The following EIF2S3B variants were observed in gnomAD, a reference collection of about 807,000 sequenced individuals.
EIF2S3B encodes eukaryotic translation initiation factor 2 subunit 3B.
A neutral mutation model predicts 26.4 loss-of-function variants in EIF2S3B; 16 were observed. The observed-to-expected ratio is 0.61, with a 90% CI of 0.41 to 0.92. The LOEUF (loss-of-function observed/expected upper bound fraction) is 0.92, where lower values mean the gene tolerates loss of function less well. EIF2S3B is among the 40% of genes least tolerant of loss of function. The pLI is 0.00. For synonymous variants in EIF2S3B, 183 were observed against 204.4 expected (o/e 0.90, Z 0.89); for missense variants, 510 against 575.5 (o/e 0.89, Z 1.16).
At chr12:10,519,351 A>C (rs1252041431) in intron 1 of EIF2S3B, among the ~76,000 whole-genome samples, 7 of 151,858 alleles carry the variant, frequency 4.6e-5, no homozygotes, top group South Asian at 2.1e-4. Flanking sequence ...CTTATACAAA[A>C]ATTAATTCAA....
In EIF2S3B at chr12:10,507,196, C is replaced by G. The variant is rs1432098679; in HGVS notation, c.1294C>G (p.Pro432Ala). 2 of 1,613,748 alleles carry G rather than the reference C, an allele frequency of 1.2e-6. No individual in the cohort carries two copies. The highest frequency in any genetic ancestry group is 1.7e-6 in the Non-Finnish European group (2 of 1,179,812). The change falls in exon 1 of 1, where the codon CCA becomes GCA. Residue 432 changes from proline (P) to alanine (A), a missense_variant. Transcript: ENST00000538173. ...TTTGGGCAAAATTGTTTTGACCAAT[C>G]CAGTGTGCACAGAGGTAGGAGAAAA... The part of the protein sequence containing the change: ...ADLGKIVLTN[P>A]VCTEVGEKIA...
intron 1 of EIF2S3B, among the ~76,000 whole-genome samples, chr12:10,516,776 A>G (rs1224316659): frequency 6.6e-6 from 1 of 152,030 alleles, no homozygotes; most frequent in Non-Finnish European, 1.5e-5. Context: ...TTATTTTGAG[A>G]TACGTCCCAT....
At chr12:10,522,726 C>G (rs1864846518) in exon 2 of EIF2S3B, 1 of 682,400 alleles carries the variant, frequency 1.5e-6, no homozygotes, top group Non-Finnish European at 2.7e-6. Context: ...AGAAAAAAGA[C>G]AAAAGAAAAC....
rs1716811344 is a variant in EIF2S3B at position 10,522,547 on chromosome 12, G to T, written c.1309-56G>T. The T allele has an allele frequency of 4.8e-6, 3 of 630,910 alleles. No individual in the cohort carries two copies. In the South Asian group the frequency reaches 5.6e-5, roughly 12 times the overall value. 39.1% of individuals were successfully genotyped at this position (630,910 alleles called of 1,614,324 possible). A position where few individuals can be genotyped will look rare whatever the true frequency, so the allele number is the denominator to read the frequency against. On this transcript the variant is annotated intron_variant, in intron 1 of 1. Transcript: ENST00000322446. The stretch of plus-strand genomic sequence containing the variant: ...TTTCCTTATACCTAAATAGATTTGA[G>T]TTATTGCAGTTTCCATATTTACTGA...
rs757384049 is a variant in EIF2S3B at position 10,515,220 on chromosome 12, T to G, written c.1309-7383T>G. Among the ~76,000 whole-genome samples the G allele has an allele frequency of 4.6e-5, 7 of 152,060 alleles. No homozygotes were observed. The East Asian group carries it at 5.8e-4, about 13-fold the overall frequency. ...ATTATGATCTACAGGGAAGCTTTTA[T>G]GACCTCAAGATGTTATATGACATTC... On this transcript the variant is annotated intron_variant, in intron 1 of 1. Transcript: ENST00000322446.
At chr12:10,512,588 C>T (rs762828232), downstream of EIF2S3B, among the ~76,000 whole-genome samples, 3 of 151,996 alleles carry the variant, frequency 2.0e-5, no homozygotes, top group African/African-American at 4.8e-5. Flanking sequence ...GCATAAATTC[C>T]CTCATCTTCT....
chr12:10,516,338 C>T (rs912324761), intron 1 of EIF2S3B, among the ~76,000 whole-genome samples: 4 of 151,952 alleles, frequency 2.6e-5, no homozygotes, highest in Non-Finnish European at 5.9e-5. Context: ...CTGCAAATGC[C>T]AGCCAGCAAC....
Position 10,506,912 on chromosome 12 carries a change from T to C in EIF2S3B, c.1010T>C (p.Ile337Thr), listed in dbSNP as rs752055744. ...DLQYAAPGGL[I>T]GVGTKIDPTL... is the part of the protein sequence containing the mutation. ...CAATATGCTGCTCCAGGCGGTCTTATTGGAGTTGGAACAAAAATTGACCCC... is the reference window on the plus strand; with the variant it reads ...CAATATGCTGCTCCAGGCGGTCTTACTGGAGTTGGAACAAAAATTGACCCC... The change falls in exon 1 of 1, where the codon ATT becomes ACT. Residue 337 changes from isoleucine (I) to threonine (T), a missense_variant. Physicochemically the swap from Ile to Thr is moderately conservative, Grantham distance 89. Transcript: ENST00000538173. 1.7e-5 allele frequency: 27 copies of C among 1,613,686 alleles called. No homozygotes were observed. The highest frequency in any genetic ancestry group is 4.5e-5 in the East Asian group (2 of 44,896).
rs1305400786 is a variant in EIF2S3B, at chr12:10,506,545, G to A, written c.643G>A (p.Val215Ile). 5 of 1,590,160 alleles carry A rather than the reference G, an allele frequency of 3.1e-6. No homozygotes were observed. The African/African-American group carries it at 6.7e-5, about 21-fold the overall frequency. ...GATCCTTGCGTTTGTCCAAGGTACA[G>A]TAGCAGAGGGAGCTCCCATTATTCC... ...EQILAFVQGT[V>I]AEGAPIIPIS... Residue 215 changes from valine (V) to isoleucine (I), a missense_variant, in exon 1 of 1, where the codon GTA becomes ATA. Val to Ile is a conservative substitution (Grantham distance 29, BLOSUM62 3). Transcript: ENST00000538173.
At chr12:10,522,799 T>C (rs1221449281) in exon 2 of EIF2S3B, 1 of 553,950 alleles carries the variant, frequency 1.8e-6, no homozygotes, top group Non-Finnish European at 3.2e-6. Context: ...GTGACAACCA[T>C]ATCACAATTA....
At chr12:10,510,856 A>G (rs1358778123), downstream of EIF2S3B, among the ~76,000 whole-genome samples, 1 of 152,186 alleles carries the variant, frequency 6.6e-6, no homozygotes, top group Non-Finnish European at 1.5e-5. Context: ...CAAAGTGAAT[A>G]TATGGCAATT....
At chr12:10,517,395 GC>G (rs143718647) in intron 1 of EIF2S3B, among the ~76,000 whole-genome samples, 28,496 of 151,878 alleles carry the variant, frequency 0.19, 3,271 homozygotes, top group Middle Eastern at 0.27. Flanking sequence ...TAGTTTATTT[GC>G]GTAGAGGTGT....
intron 1 of EIF2S3B, among the ~76,000 whole-genome samples, chr12:10,518,998 GA>G (rs1241405378): frequency 6.6e-6 from 1 of 151,026 alleles, no homozygotes; most frequent in Non-Finnish European, 1.5e-5. Flanking sequence ...CACAGAATTG[GA>G]AAAAACTACT....
chr12:10,515,737 C>A (rs983696107), intron 1 of EIF2S3B, among the ~76,000 whole-genome samples: 1 of 151,430 alleles, frequency 6.6e-6, no homozygotes, highest in Admixed American at 6.6e-5. Context: ...ATATGCAAAC[C>A]CCATTTTACA....
At position 10,507,041 on chromosome 12, in the gene EIF2S3B, G is replaced by A. The variant is rs1376040154; in HGVS notation, c.1139G>A (p.Arg380Gln). The change falls in exon 1 of 1, where the codon CGG becomes CAG. Residue 380 changes from arginine to glutamine, a missense_variant. Coordinates refer to ENST00000538173, the MANE Select transcript of EIF2S3B (RefSeq NM_001357734.3). ...ELEISYFLLR[R>Q]LLGVRTEGDK... ...GAAATTTCCTATTTCCTGCTTAGAC[G>A]GCTTCTAGGTGTACGCACTGAAGGA... The A allele has an allele frequency of 1.2e-6, 2 of 1,613,740 alleles. No homozygotes were observed. The highest frequency in any genetic ancestry group is 3.3e-5 in the Admixed American group (2 of 60,012).
intron 1 of EIF2S3B, among the ~76,000 whole-genome samples, chr12:10,518,134 G>C (rs1332943289): frequency 6.6e-6 from 1 of 152,060 alleles, no homozygotes; most frequent in African/African-American, 2.4e-5. Flanking sequence ...GGTCCACTTG[G>C]TGCAGAGCTG....
rs761947989 is a variant in EIF2S3B at position 10,507,459 on chromosome 12, TTC to T, written c.*144_*145del. 9 of 1,002,656 alleles carry T rather than the reference TTC, an allele frequency of 9.0e-6. No individual in the cohort carries two copies. Among genetic ancestry groups the T allele is most frequent in the Non-Finnish European group, 1.3e-5 (9 of 686,930 alleles). The allele number at this position is 1,002,656 out of a possible 1,614,324, so 62.1% of individuals were successfully genotyped here. ...ACCTTAGTAGGTAACGGTAAGGTTA[TTC>T]TCTCTTTTTTTTTTTGGTTATGAAA... On this transcript the variant is annotated 3_prime_UTR_variant, in exon 1 of 1. Coordinates refer to ENST00000538173, the MANE Select transcript of EIF2S3B (RefSeq NM_001357734.3).
rs202167205 is a variant in EIF2S3B at position 10,506,734 on chromosome 12, G to A, written c.832G>A (p.Val278Ile). ...GCEVDDLKGGVAGGSILKGVL... is the reference protein window; with the variant it reads ...GCEVDDLKGGIAGGSILKGVL... ...TGAAGTTGATGACCTTAAGGGAGGT[G>A]TAGCTGGTGGTAGTATCCTAAAAGG... Residue 278 changes from valine to isoleucine, a missense_variant, in exon 1 of 1, where the codon GTA becomes ATA. Coordinates refer to ENST00000538173, the MANE Select transcript of EIF2S3B (RefSeq NM_001357734.3). The A allele has an allele frequency of 4.3e-5, 69 of 1,614,072 alleles. 1 individual carries two copies. In the African/African-American group the frequency reaches 8.4e-4, roughly 20 times the overall value.
intron 1 of EIF2S3B, among the ~76,000 whole-genome samples, chr12:10,520,551 C>A (rs1351096600): frequency 6.6e-6 from 1 of 151,882 alleles, no homozygotes; most frequent in African/African-American, 2.4e-5. Context: ...TATGCAATAT[C>A]AAATATATAT....
Sources: gnomAD v4.1 joint callset for allele counts (sites outside exome capture counted in the v4.1 genomes callset) on GRCh38, gnomAD v4.1.1 for gene constraint, MANE v1.5 for transcripts, NCBI Gene and HGNC (gene_info 2026-07-23, HGNC 2026-07-21) for gene names.